MTA3: variants seen among roughly 807,000 people sequenced by gnomAD.
MTA3 encodes the protein metastasis-associated protein MTA3.
MTA3 carries 34 observed loss-of-function variants against 83.5 expected under a neutral mutation model. The observed-to-expected ratio is 0.41, with a 90% CI of 0.31 to 0.54. MTA3 has a LOEUF of 0.54. Ranked by LOEUF, MTA3 falls within the 20% of genes least tolerant of loss-of-function variation. The pLI is 0.33. For synonymous variants in MTA3, 303 were observed against 252.7 expected (o/e 1.20, Z -1.89); for missense variants, 761 against 726.4 (o/e 1.05, Z -0.55).
rs137986879 is a variant in MTA3 at position 42,653,706 on chromosome 2, T to G, written c.500-2494T>G. Among the ~76,000 whole-genome samples, 447 of 152,374 alleles carry G rather than the reference T, an allele frequency of 2.9e-3. 1 individual carries two copies. The highest frequency in any genetic ancestry group is 0.01 in the African/African-American group (425 of 41,592). On this transcript the variant is annotated intron_variant, in intron 6 of 16. Coordinates refer to ENST00000405094, the MANE Select transcript of MTA3 (RefSeq NM_001330442.2). ...ACAGTGAATTTATTTAGAATTCTTC[T>G]AAGTCTTACTTCTGCTATATGCTGC...
At chr2:42,638,208 GA>G (rs1687371416) in intron 4 of MTA3, among the ~76,000 whole-genome samples, 1 of 151,986 alleles carries the variant, frequency 6.6e-6, no homozygotes. Context: ...AGCTGTTAAT[GA>G]GGGGAAAAAG....
chr2:42,524,616 GC>G (rs1558413362), intron 2 of MTA3, among the ~76,000 whole-genome samples: 1 of 151,198 alleles, frequency 6.6e-6, no homozygotes, highest in African/African-American at 2.4e-5. Context: ...GAGCCACCGC[GC>G]CCCGCCAGCT....
intron 2 of MTA3, among the ~76,000 whole-genome samples, chr2:42,577,105 A>AAAAAAAAAAAAAATAT: frequency 1.2e-5 from 1 of 86,952 alleles, no homozygotes; most frequent in Admixed American, 1.3e-4. Flanking sequence ...AAAAAAAAAA[A>AAAAAAAAAAAAAATAT]ATATATATAT....
At chr2:42,708,269 A>C (rs568838847) in intron 13 of MTA3, among the ~76,000 whole-genome samples, 1 of 152,370 alleles carries the variant, frequency 6.6e-6, no homozygotes, top group Admixed American at 6.5e-5. Flanking sequence ...ACAAAAAAAC[A>C]ATGAGTGTGG....
chr2:42,570,837 C>T (rs1447075673), intron 2 of MTA3, among the ~76,000 whole-genome samples: 2 of 151,826 alleles, frequency 1.3e-5, no homozygotes, highest in African/African-American at 4.8e-5. Flanking sequence ...ATGGAGAAAC[C>T]CCGTCTGTAC....
intron 2 of MTA3, among the ~76,000 whole-genome samples, chr2:42,555,455 C>CAAAAAAAAAAAAAAAAAAAAAA (rs146740409): frequency 1.8e-5 from 1 of 54,350 alleles, no homozygotes; most frequent in Non-Finnish European, 3.1e-5. Flanking sequence ...AACTCCATCT[C>CAAAAAAAAAAAAAAAAAAAAAA]AAAAAAAAAA....
chr2:42,703,924 G>C (rs1665830364), intron 11 of MTA3: 1 of 278,608 alleles, frequency 3.6e-6, no homozygotes, highest in Non-Finnish European at 6.9e-6. Context: ...GATGTTCTAA[G>C]GAAATTGTAT....
chr2:42,696,143 C>G (rs1693372057), intron 10 of MTA3, among the ~76,000 whole-genome samples: 1 of 152,126 alleles, frequency 6.6e-6, no homozygotes, highest in Non-Finnish European at 1.5e-5. Context: ...AGATGTGATG[C>G]TAACACAAAC....
At chr2:42,710,742 T>G (rs1326558553) in intron 14 of MTA3, among the ~76,000 whole-genome samples, 1 of 152,202 alleles carries the variant, frequency 6.6e-6, no homozygotes, top group African/African-American at 2.4e-5. Context: ...ATAGTCTAAA[T>G]TGTTCAGCTC....
intron 4 of MTA3, among the ~76,000 whole-genome samples, chr2:42,618,699 A>G (rs564512615): frequency 1.2e-3 from 175 of 151,968 alleles, no homozygotes; most frequent in Middle Eastern, 3.4e-3. Context: ...CCTCCACCTC[A>G]TGGGCTCAAG....
At chr2:42,640,055 A>G (rs1687569082) in intron 4 of MTA3, 118 bp from the exon 5 acceptor site, 4 of 685,372 alleles carry the variant, frequency 5.8e-6, no homozygotes. Flanking sequence ...AAAAATATAT[A>G]TTCCTAACTG....
At chr2:42,719,489 T>A (rs1023931019) in intron 15 of MTA3, among the ~76,000 whole-genome samples, 1 of 152,226 alleles carries the variant, frequency 6.6e-6, no homozygotes, top group African/African-American at 2.4e-5. Context: ...TAAAATGAGA[T>A]CAAACTGGTT....
chr2:42,722,918 A>G lies in MTA3; in HGVS notation c.1642A>G (p.Ile548Val). The G allele has an allele frequency of 6.7e-7, 1 of 1,502,110 alleles. No individual in the cohort carries two copies. The highest frequency in any genetic ancestry group is 8.9e-7 in the Non-Finnish European group (1 of 1,122,714). The allele number at this position is 1,502,110 out of a possible 1,614,324, so 93.0% of individuals were successfully genotyped here. A position where few individuals can be genotyped will look rare whatever the true frequency, so the allele number is the denominator to read the frequency against. The change falls in exon 16 of 17, where the codon ATT becomes GTT. Residue 548 changes from isoleucine (I) to valine (V), a missense_variant. Physicochemically the swap from Ile to Val is conservative, Grantham distance 29. Coordinates refer to ENST00000405094, the MANE Select transcript of MTA3 (RefSeq NM_001330442.2). ...CCATCCTGCAAAGAAACCTAATGTA[A>G]TTCGATCTACACCAAGCCTGCAAAC... Reference protein sequence around the residue: ...EIHPAKKPNVIRSTPSLQTPT... With the variant: ...EIHPAKKPNVVRSTPSLQTPT...
At chr2:42,549,046 T>A (rs1316810948) in intron 2 of MTA3, among the ~76,000 whole-genome samples, 1 of 136,206 alleles carries the variant, frequency 7.3e-6, no homozygotes, top group African/African-American at 2.8e-5. Context: ...TGGTCGTGCA[T>A]GCCTGTAATC....
chr2:42,753,310 C>A, intron 16 of MTA3, 64 bp from the exon 17 acceptor site: 2 of 1,549,172 alleles, frequency 1.3e-6, no homozygotes, highest in Non-Finnish European at 1.7e-6. Flanking sequence ...GTCCATCCTC[C>A]CTTTCATCTT....
chr2:42,657,453 C>G (rs143790643), intron 7 of MTA3, among the ~76,000 whole-genome samples: 33 of 152,196 alleles, frequency 2.2e-4, no homozygotes, highest in African/African-American at 7.7e-4. Context: ...TCTAGAGTCT[C>G]CAGACAGGCT....
intron 3 of MTA3, among the ~76,000 whole-genome samples, chr2:42,607,787 CTAAAA>C (rs1363969458): frequency 1.3e-5 from 2 of 152,124 alleles, no homozygotes; most frequent in East Asian, 3.9e-4. Context: ...CCTGTCTCTA[CTAAAA>C]ATACAAAAAT....
In MTA3 at chr2:42,755,703, G is replaced by C. The variant is rs1019228453; in HGVS notation, c.*2304G>C. 1 of 985,470 alleles carries C rather than the reference G, an allele frequency of 1.0e-6. No individual in the cohort carries two copies. The highest frequency in any genetic ancestry group is 1.2e-6 in the Non-Finnish European group (1 of 830,046). The allele number at this position is 985,470 out of a possible 1,614,324, so 61.0% of individuals were successfully genotyped here. On this transcript the variant is annotated 3_prime_UTR_variant, in exon 17 of 17. Transcript: ENST00000405094. Reference sequence around the variant, plus strand: ...CGTTGGAAGCATTTGGTGCTGAGAGGGTTTCCCAGCCACCCGCTCCCTTTC... The same window carrying C: ...CGTTGGAAGCATTTGGTGCTGAGAGCGTTTCCCAGCCACCCGCTCCCTTTC...
chr2:42,744,060 C>T (rs1331696578), intron 16 of MTA3, among the ~76,000 whole-genome samples: 1 of 152,140 alleles, frequency 6.6e-6, no homozygotes, highest in African/African-American at 2.4e-5. Context: ...TTTTTAAAAC[C>T]TTTGAGATTC....
Sources: gnomAD v4.1 joint callset for allele counts (sites outside exome capture counted in the v4.1 genomes callset) on GRCh38, gnomAD v4.1.1 for gene constraint, MANE v1.5 for transcripts, NCBI Gene and HGNC (gene_info 2026-07-23, HGNC 2026-07-21) for gene names.